The following SEC14L5 variants were observed in gnomAD, a reference collection of about 807,000 sequenced individuals.
SEC14L5 encodes the protein SEC14 like lipid binding 5, also known as SEC14-like protein 5.
Under a neutral mutation model 84.6 loss-of-function variants are expected in SEC14L5, and 96 were observed. The ratio of observed to expected loss-of-function variants is 1.13; its 90% confidence interval spans 0.96 to 1.34. The LOEUF is 1.34. SEC14L5 is among the 40% of genes most tolerant of loss of function. The pLI is 0.00. For missense variants in SEC14L5, 1,224 were observed against 942.5 expected, an observed-to-expected ratio of 1.30 and a Z score of -3.91; for synonymous variants, 546 against 383.4, an observed-to-expected ratio of 1.42 and a Z score of -4.95.
chr16:5,003,613 G>C, intron 11 of SEC14L5, 40 bp downstream of exon 11: 1 of 912,070 alleles, frequency 1.1e-6, no homozygotes, highest in East Asian at 2.7e-5. Flanking sequence ...CCCTGGGGGT[G>C]GGTGGGATGG....
rs1166045489 is a variant in SEC14L5, at chr16:5,000,940, T to C, written c.1130+15T>C. The stretch of plus-strand genomic sequence containing the variant: ...CGTCCCATCAGGCAAACACCTGGGC[T>C]GGGCACAAATCCCCCCTAAACAGCA... On this transcript the variant is annotated intron_variant, in intron 10 of 15. Coordinates refer to ENST00000251170, the MANE Select transcript of SEC14L5 (RefSeq NM_014692.2). The C allele has an allele frequency of 4.4e-6, 7 of 1,591,810 alleles. No individual in the cohort carries two copies. The highest frequency in any genetic ancestry group is 1.8e-5 in the Admixed American group (1 of 57,058).
chr16:5,013,825 T>C (rs1054696593), intron 15 of SEC14L5, among the ~76,000 whole-genome samples: 1 of 152,170 alleles, frequency 6.6e-6, no homozygotes, highest in African/African-American at 2.4e-5. Flanking sequence ...CCCAAAGGGC[T>C]GGGATTACAG....
chr16:4,981,031 G>A (rs1259492807), intron 2 of SEC14L5, among the ~76,000 whole-genome samples: 2 of 152,022 alleles, frequency 1.3e-5, no homozygotes, highest in African/African-American at 2.4e-5. Context: ...GGGATGGGAG[G>A]TGGGTGGGCA....
intron 2 of SEC14L5, among the ~76,000 whole-genome samples, chr16:4,971,060 G>A (rs1255577241): frequency 6.8e-6 from 1 of 146,868 alleles, no homozygotes; most frequent in Admixed American, 7.0e-5. Context: ...AGCCGAGATT[G>A]CACCACTGCA....
At chr16:4,968,407 G>A (rs1018134657) in intron 2 of SEC14L5, among the ~76,000 whole-genome samples, 23 of 152,186 alleles carry the variant, frequency 1.5e-4, no homozygotes, top group Admixed American at 4.6e-4. Context: ...TCGAACTCCC[G>A]ACCTCAGGTG....
chr16:4,975,713 TGGA>T (rs1486044457), intron 2 of SEC14L5, among the ~76,000 whole-genome samples: 11 of 152,082 alleles, frequency 7.2e-5, no homozygotes, highest in Admixed American at 6.6e-5. Context: ...AAAAAAGAGT[TGGA>T]GGAGGTGAGT....
At chr16:4,961,964 G>C (rs747590974) in intron 2 of SEC14L5, among the ~76,000 whole-genome samples, 8 of 151,242 alleles carry the variant, frequency 5.3e-5, no homozygotes, top group Admixed American at 3.9e-4. Flanking sequence ...GGTAGGACTG[G>C]GCCCTGTGCG....
intron 2 of SEC14L5, among the ~76,000 whole-genome samples, chr16:4,966,267 C>CTTTTTT (rs1019686741): frequency 1.5e-4 from 12 of 78,786 alleles, no homozygotes; most frequent in East Asian, 7.9e-4. Flanking sequence ...CGCCCGGCCT[C>CTTTTTT]TTTTTTTTTT....
intron 6 of SEC14L5, among the ~76,000 whole-genome samples, chr16:4,994,462 G>A (rs762414359): frequency 6.6e-6 from 1 of 151,988 alleles, no homozygotes; most frequent in Non-Finnish European, 1.5e-5. Context: ...TCCTGCCTCA[G>A]CCTCCCAAGG....
In SEC14L5 at chr16:4,962,520, T is replaced by G. The variant is rs766813520; in HGVS notation, c.63+3134T>G. The stretch of plus-strand genomic sequence containing the variant: ...TTGGCCAACATGGTAAAACCTTGTC[T>G]CTACTAAAAATACAAGAATTAGCTG... On this transcript the variant is annotated intron_variant, in intron 2 of 15. Coordinates refer to ENST00000251170, the MANE Select transcript of SEC14L5 (RefSeq NM_014692.2). 2.6e-4 allele frequency among the ~76,000 whole-genome samples: 40 copies of G among 152,146 alleles called. 1 individual carries two copies. The highest frequency in any genetic ancestry group is 1.0e-3 in the South Asian group (5 of 4,824).
intron 2 of SEC14L5, among the ~76,000 whole-genome samples, chr16:4,961,121 A>G (rs1955115727): frequency 6.6e-6 from 1 of 152,080 alleles, no homozygotes; most frequent in African/African-American, 2.4e-5. Context: ...AATACAAGAA[A>G]AATTAGCCGG....
chr16:4,973,042 C>G, intron 2 of SEC14L5, among the ~76,000 whole-genome samples: 1 of 152,184 alleles, frequency 6.6e-6, no homozygotes, highest in East Asian at 1.9e-4. Flanking sequence ...GCTGGTGATG[C>G]TACTTCAGCA....
At chr16:5,006,157 G>T in intron 12 of SEC14L5, 109 bp downstream of exon 12, 4 of 1,116,530 alleles carry the variant, frequency 3.6e-6, no homozygotes, top group Non-Finnish European at 5.2e-6. Flanking sequence ...GGCTGGGTGC[G>T]GCATGTGCAC....
At position 4,978,760 on chromosome 16, in the gene SEC14L5, G is replaced by A. The variant is rs188505975; in HGVS notation, c.64-8797G>A. ...TGGAACTACAGGCGCCTGCCACCAC[G>A]CTCGGCTAATCTTTTGTATTTTTAG... On this transcript the variant is annotated intron_variant, in intron 2 of 15. Coordinates refer to ENST00000251170, the MANE Select transcript of SEC14L5 (RefSeq NM_014692.2). Among the ~76,000 whole-genome samples the A allele has an allele frequency of 2.0e-3, 293 of 148,472 alleles. 7 individuals are homozygous for A. In the East Asian group the frequency reaches 0.062, roughly 32 times the overall value.
chr16:4,987,712 C>T lies in SEC14L5; in HGVS notation c.213+6C>T. On this transcript the variant is annotated splice_donor_region_variant and intron_variant, in intron 3 of 15. Coordinates refer to ENST00000251170, the MANE Select transcript of SEC14L5 (RefSeq NM_014692.2). ...CCCCGCGGCTGCTGCGGAAGGTGGG[C>T]GGCCCTGGGGCTGGGGGGCGGAGGA... 2 of 1,494,010 alleles carry T rather than the reference C, an allele frequency of 1.3e-6. No individual in the cohort carries two copies. Among genetic ancestry groups the T allele is most frequent in the East Asian group, 2.7e-5 (1 of 36,668 alleles). The allele number at this position is 1,494,010 out of a possible 1,614,324, so 92.5% of individuals were successfully genotyped here.
chr16:4,974,591 T>G (rs58574673), intron 2 of SEC14L5, among the ~76,000 whole-genome samples: 3,148 of 119,248 alleles, frequency 0.026, 92 homozygotes, highest in African/African-American at 0.082. Context: ...TTTAAACAGT[T>G]TTTGGGGTAC....
chr16:4,995,552 T>C (rs2972269), intron 6 of SEC14L5, among the ~76,000 whole-genome samples: 30,801 of 151,698 alleles, frequency 0.2, 3,682 homozygotes, highest in African/African-American at 0.31. Flanking sequence ...TTGTGCTGGG[T>C]GCACAACATG....
chr16:4,995,103 C>T (rs895925775), intron 6 of SEC14L5, among the ~76,000 whole-genome samples: 10 of 152,176 alleles, frequency 6.6e-5, no homozygotes, highest in Admixed American at 3.9e-4. Context: ...GTTGGCGTGA[C>T]CCCCCACTGT....
intron 3 of SEC14L5, 21 bp from the exon 4 acceptor site, chr16:4,988,128 T>C: frequency 2.6e-6 from 3 of 1,172,984 alleles, no homozygotes; most frequent in Non-Finnish European, 3.6e-6. Flanking sequence ...CACCTCCGCC[T>C]CCCCGCCCCT....
Sources: allele counts gnomAD v4.1 joint callset (sites outside exome capture counted in the v4.1 genomes callset), GRCh38; gene constraint gnomAD v4.1.1; transcripts MANE v1.5; gene names NCBI Gene and HGNC (gene_info 2026-07-23, HGNC 2026-07-21).